Variants in IGFBPL1 observed in about 807,000 individuals in gnomAD.
The protein encoded by IGFBPL1 is insulin-like growth factor-binding protein-like 1.
A neutral mutation model predicts 23.9 loss-of-function variants in IGFBPL1; 20 were observed. The observed-to-expected ratio is 0.84, with a 90% confidence interval of 0.59 to 1.22. IGFBPL1 has a LOEUF of 1.22. IGFBPL1 is among the 50% of genes most tolerant of loss of function. IGFBPL1 has a pLI of 0.00. For synonymous variants in IGFBPL1, 184 were observed against 171.8 expected (o/e 1.07, Z -0.56); for missense variants, 436 against 379.3 (o/e 1.15, Z -1.24).
At position 38,414,240 on chromosome 9, in the gene IGFBPL1, T is replaced by C. The variant is rs889559813; in HGVS notation, c.461-37A>G. ...AGACAAGGAGACGCAGCCTTTACCC[T>C]GCAGGGTTCCAAGCAACCCACCTCT... On this transcript the variant is annotated intron_variant, in intron 1 of 4. Coordinates refer to ENST00000377694, the MANE Select transcript of IGFBPL1 (RefSeq NM_001007563.3). The C allele has an allele frequency of 7.4e-6, 10 of 1,346,556 alleles. No homozygotes were observed. The African/African-American group carries it at 1.5e-4, about 20-fold the overall frequency. The allele number at this position is 1,346,556 out of a possible 1,614,324, so 83.4% of individuals were successfully genotyped here.
intron 1 of IGFBPL1, among the ~76,000 whole-genome samples, chr9:38,416,999 C>G (rs988837578): frequency 1.3e-5 from 2 of 152,112 alleles, no homozygotes; most frequent in Admixed American, 6.5e-5. Context: ...TTAATTTTAA[C>G]ATATTTTAAC....
In IGFBPL1 at chr9:38,424,217, G is replaced by GGCAGCGGGC. The variant is rs1821726664; in HGVS notation, c.199_207dup (p.Ala67_Cys69dup). ...CCGCAGCTCGCGCCCTCGGCTCCCAGGCAGCGGGCGCAGCAGCCGCACTCG... is the reference window on the plus strand; with the variant it reads ...CCGCAGCTCGCGCCCTCGGCTCCCAGGCAGCGGGCGCAGCGGGCGCAGCAGCCGCACTCG... On this transcript the variant is annotated inframe_insertion, in exon 1 of 5. Coordinates refer to ENST00000377694, the MANE Select transcript of IGFBPL1 (RefSeq NM_001007563.3). 8.4e-7 allele frequency: 1 copy of GGCAGCGGGC among 1,185,246 alleles called. No individual in the cohort carries two copies. The highest frequency in any genetic ancestry group is 1.6e-5 in the African/African-American group (1 of 62,138). 73.4% of individuals were successfully genotyped at this position (1,185,246 alleles called of 1,614,324 possible).
chr9:38,414,132 CTT>C lies in IGFBPL1; in HGVS notation c.530_531del (p.Glu177GlyfsTer19). ...ATGACTGGGGTAGGCACAGCCCTCA[CTT>C]CACAGGACAGGCCCACCTGCGCCCC... ...VTGAQVGLSC[E>X]VRAVPTPVIT... On this transcript the variant is annotated frameshift_variant, in exon 2 of 5. Coordinates refer to ENST00000377694, the MANE Select transcript of IGFBPL1 (RefSeq NM_001007563.3). LOFTEE classifies it high-confidence loss of function. 1.2e-6 allele frequency: 2 copies of C among 1,613,074 alleles called. No individual in the cohort carries two copies. The highest frequency in any genetic ancestry group is 1.7e-6 in the Non-Finnish European group (2 of 1,179,656).
intron 1 of IGFBPL1, among the ~76,000 whole-genome samples, chr9:38,416,948 T>C (rs1821607291): frequency 6.6e-6 from 1 of 152,186 alleles, no homozygotes; most frequent in African/African-American, 2.4e-5. Flanking sequence ...TCCAAAGCTC[T>C]GGGAATACAG....
At chr9:38,414,281 G>GGA in intron 1 of IGFBPL1, 78 bp from the exon 2 acceptor site, 1 of 793,208 alleles carries the variant, frequency 1.3e-6, no homozygotes, top group East Asian at 2.5e-5. Flanking sequence ...CCCCTGCCGC[G>GGA]GAGAGCCCGC....
chr9:38,421,175 TC>T (rs1382105398), intron 1 of IGFBPL1, among the ~76,000 whole-genome samples: 1 of 149,962 alleles, frequency 6.7e-6, no homozygotes, highest in African/African-American at 2.5e-5. Flanking sequence ...GTGCCTATAG[TC>T]CCAGCTACTT....
intron 1 of IGFBPL1, among the ~76,000 whole-genome samples, chr9:38,414,999 C>T (rs543228538): frequency 6.6e-6 from 1 of 152,340 alleles, no homozygotes; most frequent in South Asian, 2.1e-4. Flanking sequence ...TTTCTACCTG[C>T]TCTCACCTGC....
chr9:38,413,132 T>G, intron 3 of IGFBPL1, 105 bp downstream of exon 3: 31 of 790,684 alleles, frequency 3.9e-5, no homozygotes, highest in Non-Finnish European at 5.5e-5. Flanking sequence ...GAGGGGCCAG[T>G]GAGAAATGGG....
At chr9:38,414,063 AC>A (rs1821556887) in intron 2 of IGFBPL1, 30 bp downstream of exon 2, 1 of 1,236,886 alleles carries the variant, frequency 8.1e-7, no homozygotes, top group Non-Finnish European at 1.2e-6. Context: ...ACACACACAC[AC>A]GAGATGCATG....
chr9:38,411,496 G>A lies in IGFBPL1; in HGVS notation c.741C>T (p.Asn247=), dbSNP rs777216741. The A allele has an allele frequency of 1.2e-6, 2 of 1,614,050 alleles. No individual in the cohort carries two copies. The highest frequency in any genetic ancestry group is 1.7e-5 in the Admixed American group (1 of 60,020). The part of the protein sequence containing the change: ...DEGVYQCHAA[N]MVGEAESHST... Reference sequence around the variant, plus strand: ...TGTGGGACTCAGCCTCTCCCACCATGTTGGCTGCATGGCACTGGTACACAC... The same window carrying A: ...TGTGGGACTCAGCCTCTCCCACCATATTGGCTGCATGGCACTGGTACACAC... The change falls in exon 4 of 5, where the codon AAC becomes AAT. Residue 247 remains asparagine (N), a synonymous_variant. Transcript: ENST00000377694.
At chr9:38,419,460 A>G (rs919182677) in intron 1 of IGFBPL1, among the ~76,000 whole-genome samples, 12 of 152,304 alleles carry the variant, frequency 7.9e-5, no homozygotes, top group Middle Eastern at 3.4e-3. Context: ...CTGGTAACAC[A>G]CACTAGCACA....
chr9:38,412,482 G>A (rs1821527543), intron 3 of IGFBPL1, among the ~76,000 whole-genome samples: 1 of 152,154 alleles, frequency 6.6e-6, no homozygotes, highest in Admixed American at 6.5e-5. Flanking sequence ...CTTGGTAAAA[G>A]TGCTGCGAGT....
At chr9:38,416,484 A>C (rs1442442305) in intron 1 of IGFBPL1, among the ~76,000 whole-genome samples, 1 of 152,226 alleles carries the variant, frequency 6.6e-6, no homozygotes, top group Non-Finnish European at 1.5e-5. Context: ...TTAAAGGGAC[A>C]TTTAAATTTG....
At chr9:38,413,157 A>C (rs1821536801) in intron 3 of IGFBPL1, 80 bp downstream of exon 3, 1 of 984,610 alleles carries the variant, frequency 1.0e-6, no homozygotes, top group Non-Finnish European at 1.6e-6. Context: ...AACAGCTTTG[A>C]AACATGTAAT....
chr9:38,413,402 G>T (rs761328690), intron 2 of IGFBPL1, 49 bp from the exon 3 acceptor site: 2 of 1,209,092 alleles, frequency 1.7e-6, no homozygotes, highest in South Asian at 1.3e-5. Context: ...AGCAATTCTG[G>T]ATAAAGACCA....
intron 1 of IGFBPL1, among the ~76,000 whole-genome samples, chr9:38,419,645 C>T (rs1209277460): frequency 6.6e-6 from 1 of 152,066 alleles, no homozygotes; most frequent in Admixed American, 6.5e-5. Flanking sequence ...GTCCGTAGGA[C>T]CCCAACCCTC....
intron 3 of IGFBPL1, among the ~76,000 whole-genome samples, chr9:38,412,597 C>A (rs983778377): frequency 6.6e-5 from 10 of 152,200 alleles, no homozygotes; most frequent in Non-Finnish European, 1.2e-4. Flanking sequence ...TGTAACAAAT[C>A]GCCACAAGCT....
At chr9:38,413,775 A>G (rs1821551623) in intron 2 of IGFBPL1, among the ~76,000 whole-genome samples, 1 of 152,126 alleles carries the variant, frequency 6.6e-6, no homozygotes, top group Admixed American at 6.5e-5. Flanking sequence ...ATACACACAC[A>G]CATGGCCACC....
chr9:38,417,364 G>C (rs1405862494), intron 1 of IGFBPL1, among the ~76,000 whole-genome samples: 3 of 152,172 alleles, frequency 2.0e-5, no homozygotes, highest in Non-Finnish European at 4.4e-5. Context: ...TGAGGTAGCT[G>C]CTTCCATCCC....
Sources: gnomAD v4.1 joint callset for allele counts (sites outside exome capture counted in the v4.1 genomes callset) on GRCh38, gnomAD v4.1.1 for gene constraint, MANE v1.5 for transcripts, NCBI Gene and HGNC (gene_info 2026-07-23, HGNC 2026-07-21) for gene names.